FARS2: variants seen among roughly 807,000 people sequenced by gnomAD.
FARS2 encodes phenylalanine--tRNA ligase, mitochondrial.
FARS2 carries 40 observed loss-of-function variants against 46.4 expected under a neutral mutation model. That is an observed-to-expected ratio of 0.86 (90% CI 0.67 to 1.12). The LOEUF (loss-of-function observed/expected upper bound fraction) is 1.12. FARS2 is among the 50% of genes most tolerant of loss of function. FARS2 has a pLI of 0.00. For synonymous variants in FARS2, 234 were observed against 214.9 expected (o/e 1.09, Z -0.78); for missense variants, 513 against 567.9 (o/e 0.90, Z 0.98).
chr6:5,657,970 T>A (rs1358762640), intron 6 of FARS2, among the ~76,000 whole-genome samples: 10 of 152,226 alleles, frequency 6.6e-5, no homozygotes, highest in African/African-American at 2.4e-4. Flanking sequence ...CTCATAATTG[T>A]TGTGAAGATT....
At chr6:5,326,496 C>T (rs753093260) in intron 1 of FARS2, among the ~76,000 whole-genome samples, 30 of 152,302 alleles carry the variant, frequency 2.0e-4, no homozygotes, top group Non-Finnish European at 4.3e-4. Context: ...GTGCCTGCTC[C>T]GAGATCCACC....
At chr6:5,720,115 AAAC>A (rs1759793335) in intron 6 of FARS2, among the ~76,000 whole-genome samples, 1 of 152,246 alleles carries the variant, frequency 6.6e-6, no homozygotes, top group South Asian at 2.1e-4. Context: ...ATAAAAAAAA[AAAC>A]AACACTGCTG....
chr6:5,606,605 G>C (rs978071422), intron 5 of FARS2, among the ~76,000 whole-genome samples: 3 of 152,128 alleles, frequency 2.0e-5, no homozygotes, highest in Non-Finnish European at 4.4e-5. Flanking sequence ...GGTTAACAAG[G>C]TACCGCTGCA....
In FARS2 at chr6:5,571,598, G is replaced by A. The variant is rs1582475655; in HGVS notation, c.1065+26258G>A. On this transcript the variant is annotated intron_variant, in intron 5 of 6. Coordinates refer to ENST00000274680, the MANE Select transcript of FARS2 (RefSeq NM_006567.5). ...GTCACCTCCTGATCATCCCTTCTGTGTCATCTAGTGGCTCTAGCACCCGGC... is the reference window on the plus strand; with the variant it reads ...GTCACCTCCTGATCATCCCTTCTGTATCATCTAGTGGCTCTAGCACCCGGC... 2.0e-5 allele frequency among the ~76,000 whole-genome samples: 3 copies of A among 152,162 alleles called. No homozygotes were observed. The South Asian group carries it at 6.2e-4, about 32-fold the overall frequency.
chr6:5,257,471 T>C (rs1764731734), upstream of FARS2, among the ~76,000 whole-genome samples: 1 of 152,218 alleles, frequency 6.6e-6, no homozygotes, highest in South Asian at 2.1e-4. Context: ...TGATAACAGG[T>C]GCCTAGCTTA....
chr6:5,492,704 C>G (rs12204622), intron 4 of FARS2, among the ~76,000 whole-genome samples: 51,946 of 152,186 alleles, frequency 0.34, 10,155 homozygotes, highest in African/African-American at 0.54. Flanking sequence ...CTAGTATTGG[C>G]AGTGAATATA....
At chr6:5,709,697 T>TGTGTGTGTGC (rs148741094) in intron 6 of FARS2, among the ~76,000 whole-genome samples, 2 of 91,528 alleles carry the variant, frequency 2.2e-5, no homozygotes, top group African/African-American at 9.2e-5. Flanking sequence ...TGTGTGTGTG[T>TGTGTGTGTGC]GCGCATGCAC....
chr6:5,596,980 T>G (rs974434134), intron 5 of FARS2, among the ~76,000 whole-genome samples: 1 of 152,186 alleles, frequency 6.6e-6, no homozygotes, highest in African/African-American at 2.4e-5. Context: ...TGGGATAGTT[T>G]TGGTCAGGTG....
At chr6:5,270,083 A>G (rs1045814507) in intron 1 of FARS2, among the ~76,000 whole-genome samples, 7 of 152,234 alleles carry the variant, frequency 4.6e-5, no homozygotes, top group African/African-American at 1.7e-4. Flanking sequence ...CAGTTAATGA[A>G]GATGAGTTTT....
intron 4 of FARS2, among the ~76,000 whole-genome samples, chr6:5,504,612 A>C (rs1440467751): frequency 6.6e-6 from 1 of 152,180 alleles, no homozygotes; most frequent in Non-Finnish European, 1.5e-5. Flanking sequence ...TAAGGAAGAG[A>C]CAAAAATTAC....
At chr6:5,676,721 T>C (rs935227157) in intron 6 of FARS2, among the ~76,000 whole-genome samples, 1 of 152,234 alleles carries the variant, frequency 6.6e-6, no homozygotes, top group Admixed American at 6.5e-5. Flanking sequence ...CTCCCAAACT[T>C]ACTAGGACTT....
At chr6:5,524,173 T>C (rs748605566) in intron 4 of FARS2, among the ~76,000 whole-genome samples, 2 of 152,162 alleles carry the variant, frequency 1.3e-5, no homozygotes, top group Non-Finnish European at 2.9e-5. Flanking sequence ...GTGTTACCTA[T>C]GGGAAGGAAA....
Position 5,630,329 on chromosome 6 carries a change from A to C in FARS2, c.1217+17009A>C, listed in dbSNP as rs1015848373. ...TGTAGTGTCATCAGAAAACAAGCGC[A>C]GACCACATGGATTTGACAATGAGTA... On this transcript the variant is annotated intron_variant, in intron 6 of 6. Transcript: ENST00000274680. This position sits in a 1 kb window ranked among gnomAD's most constrained non-coding sequence, Gnocchi z 4.2. 6.6e-6 allele frequency among the ~76,000 whole-genome samples: 1 copy of C among 152,212 alleles called. No individual in the cohort carries two copies. Among genetic ancestry groups the C allele is most frequent in the Non-Finnish European group, 1.5e-5 (1 of 68,030 alleles).
intron 4 of FARS2, among the ~76,000 whole-genome samples, chr6:5,538,148 CAAAAA>C (rs34273142): frequency 1.8e-5 from 2 of 108,144 alleles, no homozygotes; most frequent in Non-Finnish European, 1.9e-5. Flanking sequence ...TGGAATGAGG[CAAAAA>C]AAAAAAAAAA....
intron 6 of FARS2, among the ~76,000 whole-genome samples, chr6:5,697,937 A>T (rs1302317423): frequency 6.6e-6 from 1 of 152,172 alleles, no homozygotes; most frequent in African/African-American, 2.4e-5. Context: ...TTCGCAGCAG[A>T]TTGTGTCATG....
At chr6:5,250,638 T>G in the FARS2 span, among the ~76,000 whole-genome samples, 1 of 152,208 alleles carries the variant, frequency 6.6e-6, no homozygotes, top group African/African-American at 2.4e-5. Context: ...TGTGGAGCAT[T>G]GTTGAAGAGG....
At chr6:5,518,564 G>A (rs545008254) in intron 4 of FARS2, among the ~76,000 whole-genome samples, 8 of 152,140 alleles carry the variant, frequency 5.3e-5, no homozygotes, top group Non-Finnish European at 1.0e-4. Flanking sequence ...GAAGAACATT[G>A]ACTTTTAAGA....
intron 6 of FARS2, among the ~76,000 whole-genome samples, chr6:5,639,442 A>G (rs948237008): frequency 6.6e-6 from 1 of 152,212 alleles, no homozygotes; most frequent in Admixed American, 6.5e-5. Context: ...ACTCCTAAAG[A>G]TAGGCACTCA....
intron 6 of FARS2, among the ~76,000 whole-genome samples, chr6:5,651,837 T>A (rs1777381356): frequency 6.6e-6 from 1 of 152,146 alleles, no homozygotes; most frequent in South Asian, 2.1e-4. Flanking sequence ...TAAAATGGCA[T>A]AGCTGGTTAG....
Sources: gnomAD v4.1 joint callset for allele counts (sites outside exome capture counted in the v4.1 genomes callset) on GRCh38, gnomAD v4.1.1 for gene constraint, Gnocchi (gnomAD v3.1) non-coding constraint, MANE v1.5 for transcripts, NCBI Gene and HGNC (gene_info 2026-07-23, HGNC 2026-07-21) for gene names.